NDUFA10: variants seen among roughly 807,000 people sequenced by gnomAD.
NDUFA10 encodes the protein NADH:ubiquinone oxidoreductase subunit A10.
Under a neutral mutation model 47.8 loss-of-function variants are expected in NDUFA10, and 40 were observed. The observed-to-expected ratio is 0.84, with a 90% CI of 0.65 to 1.09. NDUFA10 has a LOEUF of 1.09. Among genes scored for constraint, NDUFA10 ranks in the 50% least tolerant of loss-of-function variants. NDUFA10 has a pLI of 0.00. For synonymous variants in NDUFA10, 183 were observed against 172.2 expected, an observed-to-expected ratio of 1.06 and a Z score of -0.49; for missense variants, 413 against 451.1, an observed-to-expected ratio of 0.92 and a Z score of 0.76.
At chr2:239,916,954 G>C (rs13416482) in intron 4 of NDUFA10, among the ~76,000 whole-genome samples, 27,153 of 152,080 alleles carry the variant, frequency 0.18, 2,899 homozygotes, top group African/African-American at 0.3. Flanking sequence ...ACCGTCCCAG[G>C]CTCTGGCATT....
chr2:239,919,429 G>A (rs922154032), intron 4 of NDUFA10, among the ~76,000 whole-genome samples: 11 of 127,720 alleles, frequency 8.6e-5, no homozygotes, highest in Admixed American at 4.7e-4. Context: ...CTGGCTCCTC[G>A]AGGGCAGGGG....
rs542330240 is a variant in NDUFA10 at position 240,025,204 on chromosome 2, C to G, written c.75+23G>C. 1,238 of 1,466,048 alleles carry G rather than the reference C, an allele frequency of 8.4e-4. 14 individuals carry two copies. In the African/African-American group the frequency reaches 0.016, roughly 19 times the overall value. The allele number at this position is 1,466,048 out of a possible 1,614,324, so 90.8% of individuals were successfully genotyped here. ...CCCGCCACCCTGCCACCCCGCCACC[C>G]TGCCACCCCGCCGCCCGCTCACCAC... On this transcript the variant is annotated intron_variant, in intron 1 of 9. Coordinates refer to ENST00000252711, the MANE Select transcript of NDUFA10 (RefSeq NM_004544.4).
intron 4 of NDUFA10, among the ~76,000 whole-genome samples, chr2:239,946,768 G>C (rs908296226): frequency 3.3e-5 from 5 of 152,274 alleles, no homozygotes; most frequent in Non-Finnish European, 7.3e-5. Context: ...CCTTTGGTCA[G>C]ATTTTGGGGA....
chr2:239,919,461 T>G (rs923736068), intron 4 of NDUFA10, among the ~76,000 whole-genome samples: 3 of 152,134 alleles, frequency 2.0e-5, no homozygotes, highest in Non-Finnish European at 4.4e-5. Flanking sequence ...CTTTGTTCTC[T>G]GCTGCACTTA....
At chr2:240,010,564 G>C (rs1697100443) in intron 6 of NDUFA10, among the ~76,000 whole-genome samples, 1 of 152,012 alleles carries the variant, frequency 6.6e-6, no homozygotes, top group African/African-American at 2.4e-5. Context: ...CCTTGGTATT[G>C]TGGCCTTGGA....
At chr2:239,932,446 G>A (rs560152392) in intron 4 of NDUFA10, among the ~76,000 whole-genome samples, 5 of 152,192 alleles carry the variant, frequency 3.3e-5, no homozygotes, top group Non-Finnish European at 7.3e-5. Flanking sequence ...TCCATGACAC[G>A]GCACCCCCGC....
At chr2:239,965,307 G>T (rs528156106) in intron 9 of NDUFA10, among the ~76,000 whole-genome samples, 25 of 152,158 alleles carry the variant, frequency 1.6e-4, no homozygotes, top group Admixed American at 3.9e-4. Context: ...AACCATGCGG[G>T]GGGGGAGGGG....
intron 4 of NDUFA10, among the ~76,000 whole-genome samples, chr2:239,936,896 G>T (rs936863540): frequency 1.3e-5 from 2 of 152,196 alleles, no homozygotes; most frequent in Non-Finnish European, 1.5e-5. Context: ...AGAGGCGGAG[G>T]TTGCAGTGAG....
At chr2:239,894,687 C>A (rs67432272) in intron 5 of NDUFA10, among the ~76,000 whole-genome samples, 1 of 152,074 alleles carries the variant, frequency 6.6e-6, no homozygotes, top group Non-Finnish European at 1.5e-5. Flanking sequence ...TGCATTCCTC[C>A]GTCTCTGTGG....
chr2:240,007,877 G>T (rs866322441), intron 6 of NDUFA10, among the ~76,000 whole-genome samples: 2 of 151,934 alleles, frequency 1.3e-5, no homozygotes, highest in Admixed American at 6.6e-5. Context: ...CTCCACAGCA[G>T]GGCCTAAATG....
intron 9 of NDUFA10, among the ~76,000 whole-genome samples, chr2:239,967,342 G>A (rs4267538): frequency 0.12 from 18,007 of 152,092 alleles, 1,253 homozygotes; most frequent in South Asian, 0.16. Flanking sequence ...AAATCTCGCC[G>A]CTGACTGCTT....
chr2:239,999,892 C>T (rs1351822859), intron 8 of NDUFA10, among the ~76,000 whole-genome samples: 1 of 152,176 alleles, frequency 6.6e-6, no homozygotes, highest in African/African-American at 2.4e-5. Context: ...CACAGCATGG[C>T]GTTTCCATCC....
intron 4 of NDUFA10, among the ~76,000 whole-genome samples, chr2:239,941,362 G>A (rs938235993): frequency 6.6e-6 from 1 of 152,170 alleles, no homozygotes; most frequent in African/African-American, 2.4e-5. Flanking sequence ...GCCCGATGAT[G>A]TGAATGCACC....
At chr2:239,949,683 T>A (rs1210169918) in intron 4 of NDUFA10, among the ~76,000 whole-genome samples, 1 of 151,742 alleles carries the variant, frequency 6.6e-6, no homozygotes, top group Non-Finnish European at 1.5e-5. Flanking sequence ...AGGCCTCATC[T>A]ATGTTGCCCG....
chr2:239,910,873 C>T (rs890839976), intron 4 of NDUFA10, among the ~76,000 whole-genome samples: 5 of 152,210 alleles, frequency 3.3e-5, no homozygotes, highest in Admixed American at 2.0e-4. Context: ...CTGGAGGCCC[C>T]GGCTCCTCCT....
At chr2:239,927,397 T>A (rs1694082847) in intron 4 of NDUFA10, among the ~76,000 whole-genome samples, 1 of 152,112 alleles carries the variant, frequency 6.6e-6, no homozygotes. Context: ...AAGAAAACTT[T>A]TAACGATAAA....
chr2:239,932,107 T>G (rs1182964454), intron 4 of NDUFA10, among the ~76,000 whole-genome samples: 2 of 151,762 alleles, frequency 1.3e-5, no homozygotes, highest in Non-Finnish European at 2.9e-5. Context: ...GTGCTGGGAT[T>G]ACAGGCGTGA....
chr2:240,021,450 T>C, intron 2 of NDUFA10, 38 bp from the exon 3 acceptor site: 4 of 1,578,470 alleles, frequency 2.5e-6, no homozygotes, highest in Non-Finnish European at 3.5e-6. Context: ...CTGATGCACA[T>C]CACTCACTCC....
intron 7 of NDUFA10, among the ~76,000 whole-genome samples, chr2:240,006,756 T>C (rs1696962094): frequency 6.6e-6 from 1 of 152,242 alleles, no homozygotes; most frequent in South Asian, 2.1e-4. Context: ...CACAGGTGCA[T>C]ACATGTTTCT....
Sources: allele counts gnomAD v4.1 joint callset (sites outside exome capture counted in the v4.1 genomes callset), GRCh38; gene constraint gnomAD v4.1.1; transcripts MANE v1.5; gene names NCBI Gene and HGNC (gene_info 2026-07-23, HGNC 2026-07-21).